Variants in SLC9A2 observed in about 807,000 individuals in gnomAD.
The protein encoded by SLC9A2 is sodium/hydrogen exchanger 2.
A neutral mutation model predicts 71.7 loss-of-function variants in SLC9A2; 42 were observed. The observed-to-expected ratio is 0.59, with a 90% CI of 0.46 to 0.76. The LOEUF (loss-of-function observed/expected upper bound fraction) is 0.76, where lower values mean the gene tolerates loss of function less well. Among genes scored for constraint, SLC9A2 ranks in the 30% least tolerant of loss-of-function variants. The pLI is 0.00. For synonymous variants in SLC9A2, 396 were observed against 392.5 expected (o/e 1.01, Z -0.10); for missense variants, 829 against 1,017.4 (o/e 0.81, Z 2.52).
intron 1 of SLC9A2, among the ~76,000 whole-genome samples, chr2:102,642,371 A>G (rs1676599990): frequency 6.6e-6 from 1 of 152,200 alleles, no homozygotes; most frequent in African/African-American, 2.4e-5. Context: ...TGAGAATTTT[A>G]ATCATGAATA....
At chr2:102,702,778 T>G (rs1011885905) in intron 9 of SLC9A2, among the ~76,000 whole-genome samples, 1 of 152,214 alleles carries the variant, frequency 6.6e-6, no homozygotes, top group African/African-American at 2.4e-5. Flanking sequence ...ATGAATTGAT[T>G]GCTGTTTGTT....
In SLC9A2 at chr2:102,687,783, AT is replaced by A. The variant is rs35653787; in HGVS notation, c.1425+3460del. On this transcript the variant is annotated intron_variant, in intron 5 of 11. Coordinates refer to ENST00000233969, the MANE Select transcript of SLC9A2 (RefSeq NM_003048.6). The stretch of plus-strand genomic sequence containing the variant: ...GTCAGAATATGGTGCTGTTTGGGGA[AT>A]TTTTTTTTTTTTGAGACAGAGTGTC... Among the ~76,000 whole-genome samples the A allele has an allele frequency of 2.5e-3, 362 of 145,192 alleles. 3 individuals carry two copies. The highest frequency in any genetic ancestry group is 5.4e-3 in the African/African-American group (215 of 39,898).
chr2:102,697,798 C>T (rs934302310), intron 7 of SLC9A2, among the ~76,000 whole-genome samples: 1 of 151,572 alleles, frequency 6.6e-6, no homozygotes, highest in African/African-American at 2.4e-5. Flanking sequence ...GCGATTGTTT[C>T]AGGCATGTTG....
chr2:102,687,841 C>T (rs796358657), intron 5 of SLC9A2, among the ~76,000 whole-genome samples: 7 of 151,868 alleles, frequency 4.6e-5, no homozygotes, highest in African/African-American at 9.7e-5. Context: ...TGCAGTGGCA[C>T]GATCTTGGCT....
intron 5 of SLC9A2, chr2:102,686,300 G>A (rs992139779): frequency 6.6e-6 from 1 of 152,170 alleles, no homozygotes; most frequent in Non-Finnish European, 1.5e-5. Flanking sequence ...ATGTAAAGCA[G>A]AGTCAAAATC....
At chr2:102,690,430 T>C (rs62152128) in intron 5 of SLC9A2, among the ~76,000 whole-genome samples, 29,939 of 152,020 alleles carry the variant, frequency 0.2, 3,350 homozygotes, top group South Asian at 0.34. Context: ...TATGGGCAAC[T>C]CTCTTAGGTT....
chr2:102,697,675 G>A (rs191997078), intron 7 of SLC9A2, among the ~76,000 whole-genome samples: 2 of 146,968 alleles, frequency 1.4e-5, no homozygotes, highest in African/African-American at 5.0e-5. Context: ...GGTAGAGCAG[G>A]GAAGTGGGTG....
At chr2:102,698,224 G>T (rs916889482) in intron 7 of SLC9A2, among the ~76,000 whole-genome samples, 1 of 152,190 alleles carries the variant, frequency 6.6e-6, no homozygotes, top group Non-Finnish European at 1.5e-5. Flanking sequence ...AGTCCTTAGT[G>T]TAGTGGCCAG....
intron 1 of SLC9A2, among the ~76,000 whole-genome samples, chr2:102,632,205 G>T (rs1266776664): frequency 7.7e-6 from 1 of 129,308 alleles, no homozygotes; most frequent in Non-Finnish European, 1.6e-5. Context: ...TGAAAGTGGG[G>T]ATATAAATAT....
chr2:102,696,269 G>C (rs1677767582), intron 7 of SLC9A2, among the ~76,000 whole-genome samples: 1 of 152,070 alleles, frequency 6.6e-6, no homozygotes, highest in Non-Finnish European at 1.5e-5. Flanking sequence ...GCATATCACT[G>C]GCTAGGCGAG....
At chr2:102,679,837 T>TAA (rs1677417093) in intron 3 of SLC9A2, among the ~76,000 whole-genome samples, 3 of 152,228 alleles carry the variant, frequency 2.0e-5, no homozygotes, top group Non-Finnish European at 4.4e-5. Flanking sequence ...GAAACACTAT[T>TAA]CATCAACCTT....
intron 1 of SLC9A2, among the ~76,000 whole-genome samples, chr2:102,645,455 A>T (rs964499698): frequency 6.6e-6 from 1 of 152,142 alleles, no homozygotes; most frequent in Non-Finnish European, 1.5e-5. Context: ...GATGAGTTTG[A>T]CAAATTGACA....
At position 102,710,408 on chromosome 2, in the gene SLC9A2, A is replaced by C. The variant is rs1040957288; in HGVS notation, c.*1919A>C. ...AATTGAAAGTGACCTTAAAGAATAA[A>C]TTTCCTAATTTTTCCCAGTTTCCTA... On this transcript the variant is annotated 3_prime_UTR_variant, in exon 12 of 12. Transcript: ENST00000233969. 1 of 152,028 alleles carries C rather than the reference A, an allele frequency of 6.6e-6. No homozygotes were observed. Among genetic ancestry groups the C allele is most frequent in the Non-Finnish European group, 1.5e-5 (1 of 67,984 alleles). The allele number at this position is 152,028 out of a possible 1,614,324, so 9.4% of individuals were successfully genotyped here. A position where few individuals can be genotyped will look rare whatever the true frequency, so the allele number is the denominator to read the frequency against.
At chr2:102,706,660 G>A (rs1297993647) in intron 11 of SLC9A2, among the ~76,000 whole-genome samples, 1 of 152,164 alleles carries the variant, frequency 6.6e-6, no homozygotes, top group African/African-American at 2.4e-5. Flanking sequence ...GCAACCTTTT[G>A]GAATGGCATT....
chr2:102,674,005 T>G (rs1023662923), intron 3 of SLC9A2, among the ~76,000 whole-genome samples: 6 of 152,282 alleles, frequency 3.9e-5, no homozygotes, highest in Middle Eastern at 3.4e-3. Flanking sequence ...GTCAGGCTGG[T>G]CTCGAACTCC....
rs1676976310 is a variant in SLC9A2 at position 102,657,951 on chromosome 2, T to C, written c.677T>C (p.Phe226Ser). 6.2e-7 allele frequency: 1 copy of C among 1,614,048 alleles called. No homozygotes were observed. The highest frequency in any genetic ancestry group is 1.1e-5 in the South Asian group (1 of 91,090). ...GATCCTGTGGCTGTGCTTGCTGTCT[T>C]TGAGAACATTCACGTCAATGAGCAG... ...AVDPVAVLAV[F>S]ENIHVNEQLY... The change falls in exon 2 of 12, where the codon TTT becomes TCT. Residue 226 changes from phenylalanine (F) to serine (S), a missense_variant. Phe to Ser is a radical substitution (Grantham distance 155). This residue lies in a region of SLC9A2 where 500 missense variants were observed against 726.3 expected (regional missense o/e 0.69). Transcript: ENST00000233969.
intron 5 of SLC9A2, chr2:102,686,550 T>G (rs1677549507): frequency 6.6e-6 from 1 of 152,228 alleles, no homozygotes; most frequent in Admixed American, 6.5e-5. Flanking sequence ...TATCAACACC[T>G]TTCTGCTTTC....
intron 3 of SLC9A2, 74 bp downstream of exon 3, chr2:102,665,424 A>T (rs1677115861): frequency 1.4e-6 from 2 of 1,387,074 alleles, no homozygotes; most frequent in Admixed American, 2.2e-5. Flanking sequence ...CAAGATATTA[A>T]AGTTGAATAA....
At position 102,665,174 on chromosome 2, in the gene SLC9A2, C is replaced by A; in HGVS notation, c.828C>A (p.Ala276=). 5 of 1,614,062 alleles carry A rather than the reference C, an allele frequency of 3.1e-6. No individual in the cohort carries two copies. The highest frequency in any genetic ancestry group is 4.2e-6 in the Non-Finnish European group (5 of 1,180,030). Residue 276 remains alanine, a synonymous_variant, in exon 3 of 12, where the codon GCC becomes GCA. Transcript: ENST00000233969. ...CCATTGATGTGTTTGCAGGAATCGCCAACTTCTTTGTTGTGGGAATCGGTG... is the reference window on the plus strand; with the variant it reads ...CCATTGATGTGTTTGCAGGAATCGCAAACTTCTTTGTTGTGGGAATCGGTG... ...IETIDVFAGI[A]NFFVVGIGGV...
Sources: allele counts gnomAD v4.1 joint callset (sites outside exome capture counted in the v4.1 genomes callset), GRCh38; gene constraint gnomAD v4.1.1; regional missense constraint gnomAD v4.1.1; transcripts MANE v1.5; gene names NCBI Gene and HGNC (gene_info 2026-07-23, HGNC 2026-07-21).